The following TSPAN32 variants were observed in gnomAD, a reference collection of about 807,000 sequenced individuals.
The protein encoded by TSPAN32 is tetraspanin 32, also known as tetraspanin-32.
A neutral mutation model predicts 42.7 loss-of-function variants in TSPAN32; 47 were observed. The observed-to-expected ratio is 1.10, with a 90% CI of 0.87 to 1.40. TSPAN32 has a LOEUF of 1.40. Ranked by LOEUF, TSPAN32 falls within the 40% of genes most tolerant of loss-of-function variation. The pLI is 0.00. For synonymous variants in TSPAN32, 175 were observed against 175.9 expected (o/e 0.99, Z 0.04); for missense variants, 469 against 424.1 (o/e 1.11, Z -0.93).
At chr11:2,302,772 G>T (rs1847832041) in intron 1 of TSPAN32, 72 bp from the exon 2 acceptor site, 6 of 1,299,618 alleles carry the variant, frequency 4.6e-6, no homozygotes, top group Non-Finnish European at 6.6e-6. Flanking sequence ...CCCCAACCCT[G>T]CCCGCTGGGG....
intron 3 of TSPAN32, among the ~76,000 whole-genome samples, chr11:2,307,645 C>A (rs1245893586): frequency 6.6e-6 from 1 of 152,158 alleles, no homozygotes; most frequent in African/African-American, 2.4e-5. Flanking sequence ...AGGGGTCTCT[C>A]GTGTTCCTTA....
rs555828255 is a variant in TSPAN32, at chr11:2,317,282, A to G, written c.720-62A>G. ...ATGATCCCCTCTAGAACATTCCACAATAGCCTCACAGGTCCCCTGTAGAAC... is the reference window on the plus strand; with the variant it reads ...ATGATCCCCTCTAGAACATTCCACAGTAGCCTCACAGGTCCCCTGTAGAAC... On this transcript the variant is annotated intron_variant, in intron 8 of 9. Transcript: ENST00000182290. The surrounding 1 kb of genome is among the most constrained non-coding windows in gnomAD (Gnocchi z 6.2). The G allele has an allele frequency of 1.2e-4, 158 of 1,356,708 alleles. No homozygotes were observed. In the South Asian group the frequency reaches 1.8e-3, roughly 16 times the overall value. 84.0% of individuals were successfully genotyped at this position (1,356,708 alleles called of 1,614,324 possible).
chr11:2,303,901 G>A (rs533424742), intron 2 of TSPAN32, among the ~76,000 whole-genome samples: 2 of 152,272 alleles, frequency 1.3e-5, no homozygotes, highest in East Asian at 3.9e-4. Flanking sequence ...GGAAAAGAGG[G>A]AAGGAGGGGC....
At chr11:2,316,530 C>T in intron 7 of TSPAN32, 46 bp from the exon 8 acceptor site, 2 of 1,609,578 alleles carry the variant, frequency 1.2e-6, no homozygotes, top group South Asian at 1.1e-5. Context: ...GGGAGGGGCG[C>T]CCGCACCCTG....
chr11:2,302,114 GA>G lies in TSPAN32; in HGVS notation c.-34del. 6.7e-7 allele frequency: 1 copy of G among 1,485,940 alleles called. No homozygotes were observed. Among genetic ancestry groups the G allele is most frequent in the Non-Finnish European group, 8.9e-7 (1 of 1,119,128 alleles). 92.0% of individuals were successfully genotyped at this position (1,485,940 alleles called of 1,614,324 possible). On this transcript the variant is annotated 5_prime_UTR_variant, in exon 1 of 10. Coordinates refer to ENST00000182290, the MANE Select transcript of TSPAN32 (RefSeq NM_139022.3). ...GCCCAGCTGGAAACCACAGGGAGGG[GA>G]AGGGAGGGGAGGAGAGGAGAGGAGA... is the stretch of plus-strand genomic sequence containing the variant.
At chr11:2,307,548 G>A (rs981568692) in intron 3 of TSPAN32, among the ~76,000 whole-genome samples, 2 of 152,172 alleles carry the variant, frequency 1.3e-5, no homozygotes, top group South Asian at 2.1e-4. Context: ...GACCCTGAGT[G>A]GGAGGACATC....
At position 2,303,773 on chromosome 11, in the gene TSPAN32, G is replaced by A. The variant is rs561995855; in HGVS notation, c.182-334G>A. Among the ~76,000 whole-genome samples, 489 of 151,838 alleles carry A rather than the reference G, an allele frequency of 3.2e-3. 2 individuals carry two copies. The highest frequency in any genetic ancestry group is 0.011 in the African/African-American group (461 of 41,298). The stretch of plus-strand genomic sequence containing the variant: ...CTAGGACATGGCAGGAGGATGCCTG[G>A]GGCCCAGGTCCAGGTCCAGACTGAT... On this transcript the variant is annotated intron_variant, in intron 2 of 9. Transcript: ENST00000182290.
chr11:2,316,404 G>A, intron 7 of TSPAN32, 92 bp downstream of exon 7: 1 of 1,544,492 alleles, frequency 6.5e-7, no homozygotes. Context: ...CCCGGGACAG[G>A]ATCTCTGGTC....
Position 2,317,566 on chromosome 11 carries a change from G to A in TSPAN32, c.901+41G>A, listed in dbSNP as rs779805206. 3.2e-6 allele frequency: 5 copies of A among 1,542,064 alleles called. No homozygotes were observed. The highest frequency in any genetic ancestry group is 4.4e-6 in the Non-Finnish European group (5 of 1,148,578). ...CTGTCAGCCCTCATGGGATCCCTGA[G>A]GGGAGGGTCCGAGCTGTGAGGAGGG... On this transcript the variant is annotated intron_variant, in intron 9 of 9. Transcript: ENST00000182290. This position sits in a 1 kb window ranked among gnomAD's most constrained non-coding sequence, Gnocchi z 6.2.
chr11:2,313,064 C>T lies in TSPAN32; in HGVS notation c.355-590C>T, dbSNP rs1057258388. Among the ~76,000 whole-genome samples, 2 of 152,124 alleles carry T rather than the reference C, an allele frequency of 1.3e-5. No individual in the cohort carries two copies. Among genetic ancestry groups the T allele is most frequent in the African/African-American group, 4.8e-5 (2 of 41,418 alleles). On this transcript the variant is annotated intron_variant, in intron 4 of 9. Transcript: ENST00000182290. The surrounding 1 kb of genome is among the most constrained non-coding windows in gnomAD (Gnocchi z 9.1). ...GCAGGCAGCACATCCAGCCAGGCCC[C>T]GTCACCTTCCACCTTCTTCACCCCC...
intron 1 of TSPAN32, 78 bp downstream of exon 1, chr11:2,302,293 G>A (rs975665446): frequency 7.6e-7 from 1 of 1,313,352 alleles, no homozygotes; most frequent in Non-Finnish European, 9.9e-7. Context: ...TCAGCACAGG[G>A]ATTATCCCTC....
chr11:2,308,079 G>A (rs1313808247), intron 3 of TSPAN32, among the ~76,000 whole-genome samples: 2 of 152,164 alleles, frequency 1.3e-5, no homozygotes, highest in Non-Finnish European at 2.9e-5. Flanking sequence ...AGTGGGCAGA[G>A]GTCTCCATCT....
Position 2,304,292 on chromosome 11 carries a change from C to A in TSPAN32, c.279+88C>A. 1 of 973,212 alleles carries A rather than the reference C, an allele frequency of 1.0e-6. No homozygotes were observed. Among genetic ancestry groups the A allele is most frequent in the Non-Finnish European group, 1.5e-6 (1 of 676,530 alleles). The allele number at this position is 973,212 out of a possible 1,614,324, so 60.3% of individuals were successfully genotyped here. Reference sequence around the variant, plus strand: ...CTGGCAGGGCTGTGTGCCACCCCCACACCTGAGTGACCAGGCAGAACCAGA... The same window carrying A: ...CTGGCAGGGCTGTGTGCCACCCCCAAACCTGAGTGACCAGGCAGAACCAGA... On this transcript the variant is annotated intron_variant, in intron 3 of 9. Transcript: ENST00000182290. This position sits in a 1 kb window ranked among gnomAD's most constrained non-coding sequence, Gnocchi z 4.8.
Position 2,317,737 on chromosome 11 carries a change from G to C in TSPAN32, c.902-126G>C, listed in dbSNP as rs1174747451. ...TGGAGGCAGCAGCCCAGGGCAGACT[G>C]CAAGACACTGGTGGCCCACGGCCTG... On this transcript the variant is annotated intron_variant, in intron 9 of 9. Coordinates refer to ENST00000182290, the MANE Select transcript of TSPAN32 (RefSeq NM_139022.3). This position sits in a 1 kb window ranked among gnomAD's most constrained non-coding sequence, Gnocchi z 6.2. The C allele has an allele frequency of 1.3e-6, 2 of 1,519,686 alleles. No homozygotes were observed. The highest frequency in any genetic ancestry group is 2.8e-5 in the African/African-American group (2 of 71,618). The allele number at this position is 1,519,686 out of a possible 1,614,324, so 94.1% of individuals were successfully genotyped here.
At position 2,316,318 on chromosome 11, in the gene TSPAN32, C is replaced by A; in HGVS notation, c.627+6C>A. ...GCATCGGCCTGGCCCTCACGGTACCCTCTCGCCTCCCTCACTGCCCCTTCC... is the reference window on the plus strand; with the variant it reads ...GCATCGGCCTGGCCCTCACGGTACCATCTCGCCTCCCTCACTGCCCCTTCC... On this transcript the variant is annotated splice_donor_region_variant and intron_variant, in intron 7 of 9. Coordinates refer to ENST00000182290, the MANE Select transcript of TSPAN32 (RefSeq NM_139022.3). The A allele has an allele frequency of 6.3e-7, 1 of 1,592,358 alleles. No homozygotes were observed.
chr11:2,313,836 G>A lies in TSPAN32; in HGVS notation c.456+81G>A, dbSNP rs1848622832. The A allele has an allele frequency of 5.1e-6, 6 of 1,183,108 alleles. No homozygotes were observed. The highest frequency in any genetic ancestry group is 6.0e-6 in the Non-Finnish European group (5 of 832,914). The allele number at this position is 1,183,108 out of a possible 1,614,324, so 73.3% of individuals were successfully genotyped here. On this transcript the variant is annotated intron_variant, in intron 5 of 9. Transcript: ENST00000182290. This position sits in a 1 kb window ranked among gnomAD's most constrained non-coding sequence, Gnocchi z 9.1. Reference sequence around the variant, plus strand: ...TCAGAGAACAGGCGCAGGGTGGCCAGTGAGAGGTCTGGCCAGGCACCGAGG... The same window carrying A: ...TCAGAGAACAGGCGCAGGGTGGCCAATGAGAGGTCTGGCCAGGCACCGAGG...
In TSPAN32 at chr11:2,308,792, ACT is replaced by A. The variant is rs1186149114; in HGVS notation, c.338_339del (p.Leu113ProfsTer19). 3.2e-6 allele frequency: 5 copies of A among 1,569,160 alleles called. No homozygotes were observed. The African/African-American group carries it at 4.1e-5, about 13-fold the overall frequency. Reference protein sequence around the residue: ...CAQVQVVFWRLHSPTQVEDAM... With the variant: ...CAQVQVVFWRXHSPTQVEDAM... ...CACAGGTGCAGGTGGTGTTCTGGAG[ACT>A]CCACAGCCCCACCCAGGTGAGCACC... On this transcript the variant is annotated frameshift_variant, in exon 4 of 10. Transcript: ENST00000182290. LOFTEE classifies it high-confidence loss of function.
chr11:2,315,149 C>T (rs1848704837), intron 6 of TSPAN32: 1 of 769,094 alleles, frequency 1.3e-6, no homozygotes, highest in Non-Finnish European at 1.7e-6. Flanking sequence ...TCTCCTGGTG[C>T]CCGGCAGCCC....
chr11:2,311,539 A>C (rs542286977), intron 4 of TSPAN32, among the ~76,000 whole-genome samples: 3 of 152,120 alleles, frequency 2.0e-5, no homozygotes, highest in African/African-American at 7.2e-5. Context: ...CCCTCCCTGG[A>C]TCCTCCAGCC....
Sources: allele counts gnomAD v4.1 joint callset (sites outside exome capture counted in the v4.1 genomes callset), GRCh38; gene constraint gnomAD v4.1.1; non-coding constraint Gnocchi (gnomAD v3.1); transcripts MANE v1.5; gene names NCBI Gene and HGNC (gene_info 2026-07-23, HGNC 2026-07-21).